ITGBL1: variants seen among roughly 807,000 people sequenced by gnomAD.
The protein encoded by ITGBL1 is integrin subunit beta like 1.
A neutral mutation model predicts 68.5 loss-of-function variants in ITGBL1; 51 were observed. The ratio of observed to expected loss-of-function variants is 0.74; its 90% CI spans 0.59 to 0.94. The LOEUF (loss-of-function observed/expected upper bound fraction) is 0.94. ITGBL1 is among the 40% of genes least tolerant of loss of function. The pLI is 0.00. For synonymous variants in ITGBL1, 209 were observed against 227.3 expected, an observed-to-expected ratio of 0.92 and a Z score of 0.72; for missense variants, 649 against 647.4, an observed-to-expected ratio of 1.00 and a Z score of -0.03.
chr13:101,559,079 A>G (rs1042257246), intron 2 of ITGBL1, among the ~76,000 whole-genome samples: 1 of 152,236 alleles, frequency 6.6e-6, no homozygotes, highest in African/African-American at 2.4e-5. Flanking sequence ...TTTTAGTAGC[A>G]TTAATGCAAA....
At chr13:101,634,001 C>T (rs200129015) in intron 7 of ITGBL1, among the ~76,000 whole-genome samples, 9 of 151,954 alleles carry the variant, frequency 5.9e-5, no homozygotes, top group African/African-American at 2.2e-4. Context: ...TGAAATATGA[C>T]TAAGATTTTG....
chr13:101,600,101 C>T (rs950923428), intron 7 of ITGBL1, among the ~76,000 whole-genome samples: 7 of 152,168 alleles, frequency 4.6e-5, no homozygotes, highest in Non-Finnish European at 7.3e-5. Flanking sequence ...TTTGTATGCT[C>T]TTTTATTTCA....
At chr13:101,485,243 C>T (rs923770030) in intron 2 of ITGBL1, among the ~76,000 whole-genome samples, 3 of 151,312 alleles carry the variant, frequency 2.0e-5, no homozygotes, top group Admixed American at 2.0e-4. Flanking sequence ...AAAATCATGC[C>T]AAGTGGAAAG....
rs1555360537 is a variant in ITGBL1, at chr13:101,588,297, T to TTGGTGTGTGTGTGTGTGTGTGTGTG, written c.868+4943_868+4944insGTGTGTGTGTGTGTGTGTGTGTGTG. 8.0e-3 allele frequency among the ~76,000 whole-genome samples: 1,205 copies of TTGGTGTGTGTGTGTGTGTGTGTGTG among 149,766 alleles called. 17 individuals carry two copies. The highest frequency in any genetic ancestry group is 0.028 in the African/African-American group (1,144 of 40,796). On this transcript the variant is annotated intron_variant, in intron 6 of 10. Transcript: ENST00000376180. Reference sequence around the variant, plus strand: ...CAACACCAAGCACTGTATTCTTCCATTGTGTGTGTGTGTGTGTGCATGTGT... The same window carrying TTGGTGTGTGTGTGTGTGTGTGTGTG: ...CAACACCAAGCACTGTATTCTTCCATTGGTGTGTGTGTGTGTGTGTGTGTGTGTGTGTGTGTGTGTGTGCATGTGT...
chr13:101,664,100 C>T (rs1293688654), intron 7 of ITGBL1, among the ~76,000 whole-genome samples: 3 of 152,134 alleles, frequency 2.0e-5, no homozygotes, highest in Non-Finnish European at 4.4e-5. Flanking sequence ...AGCCCTTTGT[C>T]AAATTAATGT....
rs867122765 is a variant in ITGBL1, at chr13:101,579,391, TG to T, written c.692del (p.Cys231SerfsTer176). On this transcript the variant is annotated frameshift_variant, in exon 5 of 11. Coordinates refer to ENST00000376180, the MANE Select transcript of ITGBL1 (RefSeq NM_004791.3). LOFTEE classifies it high-confidence loss of function. Reference sequence around the variant, plus strand: ...CACCCCCTGGGAAAGCAAGCGAAGATGCACGTCTCCAGATGGCAAAATCTGC... The same window carrying T: ...CACCCCCTGGGAAAGCAAGCGAAGATCACGTCTCCAGATGGCAAAATCTGC... ...DITPWESKRR[C>X]TSPDGKICSN... 5 of 1,613,748 alleles carry T rather than the reference TG, an allele frequency of 3.1e-6. No individual in the cohort carries two copies. The African/African-American group carries it at 6.7e-5, about 22-fold the overall frequency.
intron 2 of ITGBL1, among the ~76,000 whole-genome samples, chr13:101,562,580 AAG>A (rs1274221666): frequency 9.2e-5 from 14 of 152,016 alleles, no homozygotes; most frequent in Non-Finnish European, 1.6e-4. Context: ...ATCAAGGATA[AAG>A]AGAGATATTA....
chr13:101,605,705 T>C (rs1566754250), intron 7 of ITGBL1, among the ~76,000 whole-genome samples: 1 of 151,630 alleles, frequency 6.6e-6, no homozygotes, highest in Non-Finnish European at 1.5e-5. Flanking sequence ...TGTAGACTTA[T>C]GTATGTGCGT....
At chr13:101,693,178 G>A (rs2033921706) in intron 8 of ITGBL1, among the ~76,000 whole-genome samples, 1 of 152,154 alleles carries the variant, frequency 6.6e-6, no homozygotes, top group Non-Finnish European at 1.5e-5. Flanking sequence ...CAGAGAATGA[G>A]TGAGGCAGAT....
intron 6 of ITGBL1, among the ~76,000 whole-genome samples, chr13:101,596,931 CG>C (rs1566748317): frequency 1.3e-5 from 2 of 152,034 alleles, no homozygotes; most frequent in African/African-American, 4.8e-5. Flanking sequence ...GGGAGAGGGA[CG>C]GATGACTAGG....
At chr13:101,706,008 G>A (rs2139585851) in intron 8 of ITGBL1, among the ~76,000 whole-genome samples, 1 of 152,330 alleles carries the variant, frequency 6.6e-6, no homozygotes, top group East Asian at 1.9e-4. Context: ...AAACTGAAAT[G>A]GAAGAAATTG....
chr13:101,561,480 A>G (rs1231247646), intron 2 of ITGBL1, among the ~76,000 whole-genome samples: 1 of 152,258 alleles, frequency 6.6e-6, no homozygotes, highest in Non-Finnish European at 1.5e-5. Flanking sequence ...GAACATAAAT[A>G]AATGAAAGCT....
intron 8 of ITGBL1, among the ~76,000 whole-genome samples, chr13:101,705,352 A>G (rs550217416): frequency 2.0e-5 from 3 of 151,156 alleles, no homozygotes; most frequent in African/African-American, 7.3e-5. Flanking sequence ...AACCCTCTCC[A>G]GGAGACTTCT....
At chr13:101,595,967 G>C (rs1427475339) in intron 6 of ITGBL1, among the ~76,000 whole-genome samples, 1 of 152,086 alleles carries the variant, frequency 6.6e-6, no homozygotes, top group Non-Finnish European at 1.5e-5. Context: ...AATGGGTAAA[G>C]AAAATGTGAG....
intron 6 of ITGBL1, 77 bp downstream of exon 6, chr13:101,583,433 ATTAG>A: frequency 3.7e-5 from 44 of 1,197,884 alleles, no homozygotes; most frequent in Non-Finnish European, 4.3e-5. Flanking sequence ...AAAAAAAGCA[ATTAG>A]AAAGAATAAA....
At chr13:101,547,278 T>C (rs1355518047) in intron 2 of ITGBL1, among the ~76,000 whole-genome samples, 1 of 151,964 alleles carries the variant, frequency 6.6e-6, no homozygotes, top group African/African-American at 2.4e-5. Flanking sequence ...GCCATTTTAC[T>C]AGCTATTGAA....
intron 7 of ITGBL1, among the ~76,000 whole-genome samples, chr13:101,660,200 A>G (rs2033046726): frequency 6.6e-6 from 1 of 152,182 alleles, no homozygotes; most frequent in Non-Finnish European, 1.5e-5. Flanking sequence ...AGACAGTTGT[A>G]ACTCAAATCA....
chr13:101,645,302 C>T (rs554147452), intron 7 of ITGBL1, among the ~76,000 whole-genome samples: 73 of 152,278 alleles, frequency 4.8e-4, no homozygotes, highest in Non-Finnish European at 9.7e-4. Context: ...GAAAACAAAA[C>T]GACATTGCTT....
At chr13:101,672,666 T>C (rs2033406529) in intron 7 of ITGBL1, among the ~76,000 whole-genome samples, 2 of 152,332 alleles carry the variant, frequency 1.3e-5, no homozygotes, top group South Asian at 2.1e-4. Context: ...CAAGCTTGCC[T>C]GTAGAATCCA....
Sources: gnomAD v4.1 joint callset for allele counts (sites outside exome capture counted in the v4.1 genomes callset) on GRCh38, gnomAD v4.1.1 for gene constraint, MANE v1.5 for transcripts, NCBI Gene and HGNC (gene_info 2026-07-23, HGNC 2026-07-21) for gene names.